Variants in KEAP1 observed in about 807,000 individuals in gnomAD.
KEAP1 encodes kelch-like ECH-associated protein 1.
In KEAP1, 26 loss-of-function variants were observed where a neutral mutation model predicts 59.7. The ratio of observed to expected loss-of-function variants is 0.44; its 90% CI spans 0.32 to 0.60. The LOEUF (loss-of-function observed/expected upper bound fraction) is 0.60. KEAP1 is among the 20% of genes least tolerant of loss of function. KEAP1 has a pLI of 0.06. For synonymous variants in KEAP1, 350 were observed against 358.3 expected, an observed-to-expected ratio of 0.98 and a Z score of 0.26; for missense variants, 539 against 871.4, an observed-to-expected ratio of 0.62 and a Z score of 4.80.
rs770794383 is a variant in KEAP1, at chr19:10,489,860, G to A, written c.1326-7C>T. 3 of 1,611,428 alleles carry A rather than the reference G, an allele frequency of 1.9e-6. No homozygotes were observed. Among genetic ancestry groups the A allele is most frequent in the South Asian group, 2.2e-5 (2 of 90,660 alleles). ...ATCCCGCTCTGGCTCATACCTGCAA[G>A]GGCGTAAGAAAAATGGGGACAATGG... is the stretch of plus-strand genomic sequence containing the variant. On this transcript the variant is annotated splice_region_variant and splice_polypyrimidine_tract_variant and intron_variant, in intron 3 of 5. Transcript: ENST00000171111.
At chr19:10,496,112 C>T (rs1418610587) in intron 2 of KEAP1, among the ~76,000 whole-genome samples, 2 of 151,124 alleles carry the variant, frequency 1.3e-5, no homozygotes, top group Non-Finnish European at 2.9e-5. Flanking sequence ...TCACTTGAGC[C>T]CAGGAGCTGG....
At chr19:10,492,398 A>G in intron 2 of KEAP1, 136 bp from the exon 3 acceptor site, 2 of 674,628 alleles carry the variant, frequency 3.0e-6, no homozygotes, top group Non-Finnish European at 5.1e-6. Context: ...TTCAAATAAT[A>G]GGAACCGCGT....
Position 10,491,428 on chromosome 19 carries a change from C to T in KEAP1, c.1325+149G>A. 1 of 586,698 alleles carries T rather than the reference C, an allele frequency of 1.7e-6. No homozygotes were observed. Among genetic ancestry groups the T allele is most frequent in the Non-Finnish European group, 2.7e-6 (1 of 372,080 alleles). 36.3% of individuals were successfully genotyped at this position (586,698 alleles called of 1,614,324 possible). A position where few individuals can be genotyped will look rare whatever the true frequency, so the allele number is the denominator to read the frequency against. ...CAGAATCAAAGGTCACTGACTAGAACTCTCCAAGGAGCTTAGCTTCATCCT... is the reference window on the plus strand; with the variant it reads ...CAGAATCAAAGGTCACTGACTAGAATTCTCCAAGGAGCTTAGCTTCATCCT... On this transcript the variant is annotated intron_variant, in intron 3 of 5. Transcript: ENST00000171111. This position sits in a 1 kb window ranked among gnomAD's most constrained non-coding sequence, Gnocchi z 5.2.
intron 2 of KEAP1, among the ~76,000 whole-genome samples, chr19:10,496,498 C>A (rs62131894): frequency 7.5e-6 from 1 of 133,870 alleles, no homozygotes. Flanking sequence ...CTGTCCCCCA[C>A]CCCCAAAAAA....
At chr19:10,500,341 ACTC>A (rs1447780344) in intron 1 of KEAP1, among the ~76,000 whole-genome samples, 1 of 151,894 alleles carries the variant, frequency 6.6e-6, no homozygotes, top group Admixed American at 6.6e-5. Flanking sequence ...GTAAAACTGA[ACTC>A]CTCAACAGCC....
At chr19:10,492,364 G>A (rs1914704972) in intron 2 of KEAP1, 102 bp from the exon 3 acceptor site, 11 of 816,112 alleles carry the variant, frequency 1.3e-5, no homozygotes, top group Non-Finnish European at 2.2e-5. Context: ...GACAGTCTCA[G>A]CTTCCTTATC....
chr19:10,486,468 G>A lies in KEAP1; in HGVS notation c.*184C>T, dbSNP rs1914464880. The A allele has an allele frequency of 1.5e-6, 1 of 674,012 alleles. No individual in the cohort carries two copies. The highest frequency in any genetic ancestry group is 2.6e-6 in the Non-Finnish European group (1 of 388,046). The allele number at this position is 674,012 out of a possible 1,614,324, so 41.8% of individuals were successfully genotyped here. ...TCTTGGACACTCCCGGGGCTCCGCT[G>A]AGGGGCACATGATTCCCGCTTTGGA... is the stretch of plus-strand genomic sequence containing the variant. On this transcript the variant is annotated 3_prime_UTR_variant, in exon 6 of 6. Transcript: ENST00000171111.
intron 2 of KEAP1, among the ~76,000 whole-genome samples, chr19:10,496,267 G>A (rs1382071185): frequency 6.6e-6 from 1 of 151,684 alleles, no homozygotes; most frequent in Non-Finnish European, 1.5e-5. Flanking sequence ...ATGCCAAGTC[G>A]GGCGGATCAC....
intron 2 of KEAP1, among the ~76,000 whole-genome samples, chr19:10,493,105 C>T (rs866122328): frequency 1.3e-5 from 2 of 151,888 alleles, no homozygotes; most frequent in African/African-American, 4.8e-5. Context: ...AAGTGATTCT[C>T]CTGCCTCAGC....
Position 10,489,180 on chromosome 19 carries a change from C to A in KEAP1, c.1708+12G>T. 1 of 1,610,218 alleles carries A rather than the reference C, an allele frequency of 6.2e-7. No homozygotes were observed. Among genetic ancestry groups the A allele is most frequent in the Non-Finnish European group, 8.5e-7 (1 of 1,178,646 alleles). On this transcript the variant is annotated intron_variant, in intron 5 of 5. Transcript: ENST00000171111. Reference sequence around the variant, plus strand: ...GGCTAGTCAGGACTCTTCCCCGCCCCCAGGGCCTCACCAAGGACGTAGATT... The same window carrying A: ...GGCTAGTCAGGACTCTTCCCCGCCCACAGGGCCTCACCAAGGACGTAGATT...
intron 5 of KEAP1, 32 bp from the exon 6 acceptor site, chr19:10,486,850 C>A (rs759213627): frequency 1.3e-6 from 2 of 1,594,412 alleles, no homozygotes; most frequent in East Asian, 4.5e-5. Context: ...TGGTCACCAC[C>A]TGTCACACCA....
chr19:10,503,117 G>A lies in KEAP1; in HGVS notation c.-48+124C>T, dbSNP rs993304325. 3 of 152,282 alleles carry A rather than the reference G, an allele frequency of 2.0e-5. No homozygotes were observed. Among genetic ancestry groups the A allele is most frequent in the Admixed American group, 2.0e-4 (3 of 15,292 alleles). The allele number at this position is 152,282 out of a possible 1,614,324, so 9.4% of individuals were successfully genotyped here. On this transcript the variant is annotated intron_variant, in intron 1 of 5. Coordinates refer to ENST00000171111, the MANE Select transcript of KEAP1 (RefSeq NM_203500.2). The surrounding 1 kb of genome is among the most constrained non-coding windows in gnomAD (Gnocchi z 4.3). Reference sequence around the variant, plus strand: ...CCTCAGCCCCCAGGTCGCCTCCGTAGGGGGTCCCTCGGGGTGGGGATGGCC... The same window carrying A: ...CCTCAGCCCCCAGGTCGCCTCCGTAAGGGGTCCCTCGGGGTGGGGATGGCC...
intron 5 of KEAP1, 82 bp from the exon 6 acceptor site, chr19:10,486,900 T>A: frequency 6.9e-7 from 1 of 1,456,338 alleles, no homozygotes; most frequent in Non-Finnish European, 9.4e-7. Flanking sequence ...GATGCAGCTG[T>A]GAGATGCAAA....
At chr19:10,500,350 C>T (rs893685459) in intron 1 of KEAP1, among the ~76,000 whole-genome samples, 1 of 152,192 alleles carries the variant, frequency 6.6e-6, no homozygotes, top group Non-Finnish European at 1.5e-5. Flanking sequence ...AACTCCTCAA[C>T]AGCCTGCAAA....
In KEAP1 at chr19:10,499,770, T is replaced by C. The variant is rs770205972; in HGVS notation, c.264A>G (p.Ala88=). The change falls in exon 2 of 6, where the codon GCA becomes GCG. Residue 88 remains alanine, a synonymous_variant. Coordinates refer to ENST00000171111, the MANE Select transcript of KEAP1 (RefSeq NM_203500.2). The surrounding 1 kb of genome is among the most constrained non-coding windows in gnomAD (Gnocchi z 6.7). ...DVTLQVKYQD[A]PAAQFMAHKV... ...TGTGGGCCATGAACTGGGCGGCCGG[T>C]GCATCCTGGTACTTGACCTGCAGTG... The C allele has an allele frequency of 1.2e-6, 2 of 1,614,066 alleles. No homozygotes were observed. Among genetic ancestry groups the C allele is most frequent in the Non-Finnish European group, 1.7e-6 (2 of 1,180,028 alleles).
chr19:10,493,199 C>T (rs1332237268), intron 2 of KEAP1, among the ~76,000 whole-genome samples: 1 of 151,422 alleles, frequency 6.6e-6, no homozygotes, highest in Non-Finnish European at 1.5e-5. Context: ...TGCTCTGTCG[C>T]CCAGGCTGGA....
intron 2 of KEAP1, among the ~76,000 whole-genome samples, chr19:10,496,462 C>G (rs1914852188): frequency 6.7e-6 from 1 of 149,982 alleles, no homozygotes; most frequent in African/African-American, 2.5e-5. Context: ...TGCCACTATA[C>G]TCCAGCCTGA....
intron 1 of KEAP1, among the ~76,000 whole-genome samples, chr19:10,500,290 C>T (rs973633324): frequency 2.0e-5 from 3 of 152,210 alleles, no homozygotes; most frequent in African/African-American, 7.2e-5. Context: ...AGTCATGTCT[C>T]TCCCCTGCTC....
chr19:10,492,216 A>G lies in KEAP1; in HGVS notation c.686T>C (p.Val229Ala), dbSNP rs1410344380. Residue 229 changes from valine (V) to alanine (A), a missense_variant, in exon 3 of 6, where the codon GTG becomes GCG. Physicochemically the swap from Val to Ala is moderately conservative, Grantham distance 64. Around this residue, in one of 4 missense-constraint regions of KEAP1, gnomAD observed 1 missense variants for 20.5 expected, o/e 0.05. Coordinates refer to ENST00000171111, the MANE Select transcript of KEAP1 (RefSeq NM_203500.2). Reference sequence around the variant, plus strand: ...CAGGTCGTCCCGGCTGATGAGGGTCACCAGTTGGCAGTGGGACAGGTTGAA... The same window carrying G: ...CAGGTCGTCCCGGCTGATGAGGGTCGCCAGTTGGCAGTGGGACAGGTTGAA... ...EFFNLSHCQLVTLISRDDLNV... is the reference protein window; with the variant it reads ...EFFNLSHCQLATLISRDDLNV... The G allele has an allele frequency of 6.2e-7, 1 of 1,613,824 alleles. No individual in the cohort carries two copies.
Sources: gnomAD v4.1 joint callset for allele counts (sites outside exome capture counted in the v4.1 genomes callset) on GRCh38, gnomAD v4.1.1 for gene constraint, gnomAD v4.1.1 regional missense constraint, Gnocchi (gnomAD v3.1) non-coding constraint, MANE v1.5 for transcripts, NCBI Gene and HGNC (gene_info 2026-07-23, HGNC 2026-07-21) for gene names.